Variants in OTULIN observed in about 807,000 individuals in gnomAD.
OTULIN encodes the protein ubiquitin thioesterase otulin.
A neutral mutation model predicts 39.6 loss-of-function variants in OTULIN; 15 were observed. The ratio of observed to expected loss-of-function variants is 0.38; its 90% CI spans 0.25 to 0.58. The LOEUF (loss-of-function observed/expected upper bound fraction) is 0.58. Among genes scored for constraint, OTULIN ranks in the 20% least tolerant of loss-of-function variants. The probability of loss-of-function intolerance (pLI) is 0.66; values close to 1 mark genes in which losing one functional copy is unlikely to be tolerated. For missense variants in OTULIN, 319 were observed against 445.9 expected (o/e 0.72, Z 2.56); for synonymous variants, 156 against 170.3 (o/e 0.92, Z 0.65).
chr5:14,672,950 CT>C (rs1736015018), intron 1 of OTULIN, among the ~76,000 whole-genome samples: 1 of 152,122 alleles, frequency 6.6e-6, no homozygotes, highest in Non-Finnish European at 1.5e-5. Flanking sequence ...TCATCTTTGT[CT>C]AGCATCTAGT....
chr5:14,689,989 G>A (rs1450482464), intron 5 of OTULIN, 50 bp from the exon 6 acceptor site: 4 of 1,574,596 alleles, frequency 2.5e-6, no homozygotes, highest in Non-Finnish European at 3.4e-6. Flanking sequence ...TACTATACCA[G>A]GGATTTTTAG....
chr5:14,686,651 A>C (rs1736395461), intron 4 of OTULIN, among the ~76,000 whole-genome samples: 1 of 152,168 alleles, frequency 6.6e-6, no homozygotes, highest in Non-Finnish European at 1.5e-5. Flanking sequence ...ATAGCAGTGA[A>C]GTGACACACC....
intron 3 of OTULIN, among the ~76,000 whole-genome samples, chr5:14,680,697 C>T (rs1373128203): frequency 6.6e-6 from 1 of 152,178 alleles, no homozygotes; most frequent in African/African-American, 2.4e-5. Context: ...TTTTGAGTGC[C>T]CAAGCATGTC....
chr5:14,709,732 T>G, the OTULIN span: 1 of 152,648 alleles, frequency 6.6e-6, no homozygotes, highest in African/African-American at 2.4e-5. Flanking sequence ...ACGGACTTTA[T>G]AAAACTGCTG....
chr5:14,677,144 A>T lies in OTULIN; in HGVS notation c.230-1537A>T, dbSNP rs183606531. Among the ~76,000 whole-genome samples the T allele has an allele frequency of 1.0e-3, 159 of 152,214 alleles. 2 individuals carry two copies. The East Asian group carries it at 0.025, about 24-fold the overall frequency. On this transcript the variant is annotated intron_variant, in intron 2 of 6. Transcript: ENST00000284274. ...AGTTTACTTAAAAAATTTTTTTTTT[A>T]AATTTACCTAAACTGCAAGGAGGAT...
rs751122695 is a variant in OTULIN, at chr5:14,687,530, A to G, written c.478A>G (p.Lys160Glu). The change falls in exon 5 of 7, where the codon AAA (lysine) becomes GAA (glutamate). Residue 160 changes from lysine (K) to glutamate (E), a missense_variant. Physicochemically the swap from Lys to Glu is moderately conservative, Grantham distance 56. Around this residue, in one of 4 missense-constraint regions of OTULIN, gnomAD observed 54 missense variants for 50.7 expected, o/e 1.07. Coordinates refer to ENST00000284274, the MANE Select transcript of OTULIN (RefSeq NM_138348.6). ...TTTCTCGATGTTGTAGTTACCAGAA[A>G]AACTCATAAGCAAATACAACTGGAT... Reference protein sequence around the residue: ...QDPELMLLPEKLISKYNWIKQ... With the variant: ...QDPELMLLPEELISKYNWIKQ... The G allele has an allele frequency of 3.7e-6, 6 of 1,612,200 alleles. No homozygotes were observed. Among genetic ancestry groups the G allele is most frequent in the Non-Finnish European group, 5.1e-6 (6 of 1,179,558 alleles).
chr5:14,679,527 CTT>C (rs1256249199), intron 3 of OTULIN, among the ~76,000 whole-genome samples: 5 of 152,158 alleles, frequency 3.3e-5, no homozygotes, highest in Non-Finnish European at 7.4e-5. Context: ...TCATTTTTCT[CTT>C]GGGATTATTT....
In OTULIN at chr5:14,694,518, A is replaced by G. The variant is rs1309019843; in HGVS notation, c.*1470A>G. 2 of 152,186 alleles carry G rather than the reference A, an allele frequency of 1.3e-5. No individual in the cohort carries two copies. The highest frequency in any genetic ancestry group is 2.9e-5 in the Non-Finnish European group (2 of 68,026). 9.4% of individuals were successfully genotyped at this position (152,186 alleles called of 1,614,324 possible). On this transcript the variant is annotated 3_prime_UTR_variant, in exon 7 of 7. Transcript: ENST00000284274. ...ATAATTAAAATCCTTATTTGGTCCA[A>G]TTTAATATAGTTTAGAAGCTATTTT...
intron 1 of OTULIN, among the ~76,000 whole-genome samples, chr5:14,668,756 A>G (rs537843192): frequency 7.4e-4 from 113 of 152,364 alleles, no homozygotes; most frequent in African/African-American, 2.5e-3. Context: ...AGCTTTGCAT[A>G]TACATTAGAA....
rs1232273521 is a variant in OTULIN at position 14,694,294 on chromosome 5, T to C, written c.*1246T>C. 2 of 152,106 alleles carry C rather than the reference T, an allele frequency of 1.3e-5. No homozygotes were observed. Among genetic ancestry groups the C allele is most frequent in the African/African-American group, 4.8e-5 (2 of 41,366 alleles). 9.4% of individuals were successfully genotyped at this position (152,106 alleles called of 1,614,324 possible). Reference sequence around the variant, plus strand: ...ATCGCCTGCCCAATCAGGCTAAGGGTGGTGACTGGGGTGGTGAAGGGGCAG... The same window carrying C: ...ATCGCCTGCCCAATCAGGCTAAGGGCGGTGACTGGGGTGGTGAAGGGGCAG... On this transcript the variant is annotated 3_prime_UTR_variant, in exon 7 of 7. Transcript: ENST00000284274.
intron 2 of OTULIN, among the ~76,000 whole-genome samples, chr5:14,678,387 C>T (rs942124779): frequency 5.9e-5 from 9 of 152,192 alleles, no homozygotes; most frequent in Non-Finnish European, 8.8e-5. Flanking sequence ...GCTCTCTGAG[C>T]GCAGGAGTAA....
chr5:14,675,237 A>G (rs1379780011), intron 2 of OTULIN, among the ~76,000 whole-genome samples: 2 of 152,142 alleles, frequency 1.3e-5, no homozygotes, highest in Non-Finnish European at 2.9e-5. Flanking sequence ...CATAAAACTC[A>G]TTTTCCATGA....
chr5:14,691,077 A>T (rs115838597), intron 6 of OTULIN, among the ~76,000 whole-genome samples: 1 of 152,256 alleles, frequency 6.6e-6, no homozygotes, highest in South Asian at 2.1e-4. Context: ...ACACAAACCC[A>T]GTGCAGTACT....
chr5:14,671,759 A>G (rs1463460310), intron 1 of OTULIN, among the ~76,000 whole-genome samples: 1 of 152,228 alleles, frequency 6.6e-6, no homozygotes, highest in Non-Finnish European at 1.5e-5. Context: ...TTACACATTT[A>G]GAGAGAAAAA....
At chr5:14,673,141 C>T (rs953992249) in intron 1 of OTULIN, among the ~76,000 whole-genome samples, 2 of 152,100 alleles carry the variant, frequency 1.3e-5, no homozygotes, top group African/African-American at 4.8e-5. Context: ...GGTTTTTTAG[C>T]TTTGGCGATT....
the OTULIN span, among the ~76,000 whole-genome samples, chr5:14,715,454 G>A: frequency 4.3e-4 from 66 of 152,286 alleles, no homozygotes; most frequent in African/African-American, 1.5e-3. Flanking sequence ...TTAACATTGT[G>A]GCTTTGTAGA....
intron 3 of OTULIN, among the ~76,000 whole-genome samples, chr5:14,679,420 A>C (rs1560995945): frequency 6.6e-6 from 1 of 152,218 alleles, no homozygotes; most frequent in East Asian, 1.9e-4. Context: ...CAGTATTATC[A>C]GTAGGGTGAA....
At chr5:14,672,010 A>T (rs541325142) in intron 1 of OTULIN, among the ~76,000 whole-genome samples, 1 of 152,294 alleles carries the variant, frequency 6.6e-6, no homozygotes, top group East Asian at 1.9e-4. Context: ...AAGGACCAGA[A>T]TGAGGACTAG....
chr5:14,668,770 AT>A (rs1245785377), intron 1 of OTULIN, among the ~76,000 whole-genome samples: 3 of 152,088 alleles, frequency 2.0e-5, no homozygotes, highest in Non-Finnish European at 4.4e-5. Flanking sequence ...ATTAGAATTG[AT>A]TTTTTTTCTG....
Sources: allele counts gnomAD v4.1 joint callset (sites outside exome capture counted in the v4.1 genomes callset), GRCh38; gene constraint gnomAD v4.1.1; regional missense constraint gnomAD v4.1.1; transcripts MANE v1.5; gene names NCBI Gene and HGNC (gene_info 2026-07-23, HGNC 2026-07-21).